The following KIAA1549 variants were observed in gnomAD, a reference collection of about 807,000 sequenced individuals.
KIAA1549 encodes the protein KIAA1549.
KIAA1549 carries 70 observed loss-of-function variants against 156.4 expected under a neutral mutation model. The ratio of observed to expected loss-of-function variants is 0.45; its 90% CI spans 0.37 to 0.55. KIAA1549 has a LOEUF of 0.55. Ranked by LOEUF, KIAA1549 falls within the 20% of genes least tolerant of loss-of-function variation. The pLI, the probability that KIAA1549 is intolerant of heterozygous loss-of-function variation, is 0.00. For synonymous variants in KIAA1549, 1,103 were observed against 1,066.4 expected (o/e 1.03, Z -0.67); for missense variants, 2,428 against 2,540.9 (o/e 0.96, Z 0.96).
intron 9 of KIAA1549, among the ~76,000 whole-genome samples, chr7:138,898,371 G>C (rs891113811): frequency 6.6e-6 from 1 of 151,744 alleles, no homozygotes; most frequent in Non-Finnish European, 1.5e-5. Context: ...AGCAGCCAGG[G>C]CCAGGCAGGC....
At chr7:138,843,925 A>G (rs1005392147) in intron 18 of KIAA1549, among the ~76,000 whole-genome samples, 1 of 152,210 alleles carries the variant, frequency 6.6e-6, no homozygotes, top group African/African-American at 2.4e-5. Context: ...TTTTGAGATA[A>G]GAGTTTTGCT....
rs756135808 is a variant in KIAA1549, at chr7:138,903,608, C to A, written c.3649G>T (p.Ala1217Ser). ...AGTACCTGCACCACACTGTTCCCTGCAGCTACAGTGGCCCTTCTCCACATC... is the reference window on the plus strand; with the variant it reads ...AGTACCTGCACCACACTGTTCCCTGAAGCTACAGTGGCCCTTCTCCACATC... Reference protein sequence around the residue: ...RRMWRRATVAAGNSVVQVVNV... With the variant: ...RRMWRRATVASGNSVVQVVNV... Residue 1217 changes from alanine to serine, a missense_variant, in exon 8 of 20, where the codon GCA (alanine) becomes TCA (serine). Physicochemically the swap from Ala to Ser is moderately conservative, Grantham distance 99. Around this residue, in one of 5 missense-constraint regions of KIAA1549, gnomAD observed 762 missense variants for 901.6 expected, o/e 0.85. Coordinates refer to ENST00000422774, the MANE Select transcript of KIAA1549 (RefSeq NM_001164665.2). 4 of 1,613,770 alleles carry A rather than the reference C, an allele frequency of 2.5e-6. No individual in the cohort carries two copies. The highest frequency in any genetic ancestry group is 1.1e-5 in the South Asian group (1 of 91,000).
chr7:138,918,251 T>C lies in KIAA1549; in HGVS notation c.1375A>G (p.Ser459Gly), dbSNP rs758878635. 1.2e-6 allele frequency: 2 copies of C among 1,614,014 alleles called. No individual in the cohort carries two copies. The highest frequency in any genetic ancestry group is 1.1e-5 in the South Asian group (1 of 91,088). The change falls in exon 2 of 20, where the codon AGC becomes GGC. Residue 459 changes from serine (S) to glycine (G), a missense_variant. Ser to Gly is a moderately conservative substitution (Grantham distance 56). Around this residue, in one of 5 missense-constraint regions of KIAA1549, gnomAD observed 893 missense variants for 847.9 expected, o/e 1.05. Coordinates refer to ENST00000422774, the MANE Select transcript of KIAA1549 (RefSeq NM_001164665.2). This position sits in a 1 kb window ranked among gnomAD's most constrained non-coding sequence, Gnocchi z 4.2. ...ETLCMTVLEESSISLMSSVVA... is the reference protein window; with the variant it reads ...ETLCMTVLEEGSISLMSSVVA... Reference sequence around the variant, plus strand: ...ACGCTACTCATTAGAGAGATGCTGCTTTCTTCCAGCACGGTCATGCACAGA... The same window carrying C: ...ACGCTACTCATTAGAGAGATGCTGCCTTCTTCCAGCACGGTCATGCACAGA...
At chr7:138,868,224 G>T in intron 14 of KIAA1549, 96 bp from the exon 15 acceptor site, 1 of 1,225,612 alleles carries the variant, frequency 8.2e-7, no homozygotes. Flanking sequence ...CCTAGGATGT[G>T]CTACCCCTGG....
chr7:138,908,008 T>G (rs1198782477), intron 5 of KIAA1549, among the ~76,000 whole-genome samples: 6 of 152,106 alleles, frequency 3.9e-5, no homozygotes, highest in Non-Finnish European at 5.9e-5. Flanking sequence ...AAGCCCACGC[T>G]GACATATTCT....
intron 15 of KIAA1549, among the ~76,000 whole-genome samples, chr7:138,861,676 A>ACC (rs554581505): frequency 1.5e-5 from 2 of 133,402 alleles, no homozygotes; most frequent in African/African-American, 2.9e-5. Context: ...ACAAAGTGAG[A>ACC]CCCCCCCCAT....
chr7:138,917,545 G>A lies in KIAA1549; in HGVS notation c.2081C>T (p.Ser694Leu), dbSNP rs749512218. The change falls in exon 2 of 20, where the codon TCG (serine) becomes TTG (leucine). Residue 694 changes from serine (S) to leucine (L), a missense_variant. Transcript: ENST00000422774. ...SLPSSTNLEF[S>L]QLQPSSELPL... ...CAGCTCGGAACTTGGCTGGAGCTGC[G>A]AAAACTCAAGATTTGTGGAACTGGG... is the stretch of plus-strand genomic sequence containing the variant. 1.4e-5 allele frequency: 22 copies of A among 1,613,766 alleles called. No homozygotes were observed. The highest frequency in any genetic ancestry group is 1.2e-4 in the South Asian group (11 of 91,062).
rs577570180 is a variant in KIAA1549 at position 138,869,687 on chromosome 7, G to A, written c.4626C>T (p.Arg1542=). The change falls in exon 14 of 20, where the codon CGC becomes CGT. Residue 1542 remains arginine, a synonymous_variant. Transcript: ENST00000422774. Reference sequence around the variant, plus strand: ...CTACCACCGGGAACTCGTAGTGCCCGCGGCGCTTGGCGCGCAGGCGGATCT... The same window carrying A: ...CTACCACCGGGAACTCGTAGTGCCCACGGCGCTTGGCGCGCAGGCGGATCT... ...RNKIRLRAKR[R]GHYEFPVVDD... 44 of 1,612,342 alleles carry A rather than the reference G, an allele frequency of 2.7e-5. No individual in the cohort carries two copies. In the East Asian group the frequency reaches 6.2e-4, roughly 23 times the overall value.
At chr7:138,848,821 A>G (rs1211521789) in intron 17 of KIAA1549, among the ~76,000 whole-genome samples, 1 of 152,212 alleles carries the variant, frequency 6.6e-6, no homozygotes, top group Non-Finnish European at 1.5e-5. Flanking sequence ...GTTTGTGGGA[A>G]GAACTGTAAT....
chr7:138,924,000 A>C (rs1563080040), intron 1 of KIAA1549, among the ~76,000 whole-genome samples: 1 of 152,234 alleles, frequency 6.6e-6, no homozygotes, highest in Non-Finnish European at 1.5e-5. Context: ...AAGATTTTTT[A>C]ATCGATATTT....
intron 1 of KIAA1549, among the ~76,000 whole-genome samples, chr7:138,944,627 G>A (rs1404616798): frequency 6.6e-6 from 1 of 150,852 alleles, no homozygotes; most frequent in Non-Finnish European, 1.5e-5. Flanking sequence ...AAAGCCAACA[G>A]ATGATATCAA....
In KIAA1549 at chr7:138,897,182, A is replaced by G. The variant is rs572046302; in HGVS notation, c.3847+1773T>C. On this transcript the variant is annotated intron_variant, in intron 9 of 19. Transcript: ENST00000422774. ...GGAGTAGGGCACGTCTCCTACAATCAGGAATCGCATATATGAAGAACTGTA... is the reference window on the plus strand; with the variant it reads ...GGAGTAGGGCACGTCTCCTACAATCGGGAATCGCATATATGAAGAACTGTA... Among the ~76,000 whole-genome samples the G allele has an allele frequency of 2.3e-3, 346 of 152,354 alleles. 1 individual carries two copies. Among genetic ancestry groups the G allele is most frequent in the African/African-American group, 7.8e-3 (325 of 41,576 alleles).
intron 1 of KIAA1549, among the ~76,000 whole-genome samples, chr7:138,933,828 T>C (rs1020857507): frequency 3.9e-5 from 6 of 152,072 alleles, no homozygotes; most frequent in Non-Finnish European, 5.9e-5. Flanking sequence ...TAGCCAGGCA[T>C]GGCGGCACGT....
chr7:138,960,067 ACT>A (rs1813791726), intron 1 of KIAA1549, among the ~76,000 whole-genome samples: 1 of 152,178 alleles, frequency 6.6e-6, no homozygotes, highest in East Asian at 1.9e-4. Context: ...TGACCGGGCC[ACT>A]GAGGTCCAGG....
chr7:138,846,583 C>T (rs906370665), intron 17 of KIAA1549, among the ~76,000 whole-genome samples: 1 of 148,604 alleles, frequency 6.7e-6, no homozygotes, highest in Admixed American at 6.7e-5. Context: ...TTTCACCCAC[C>T]ATTGCTTTTG....
At chr7:138,882,429 G>C (rs932465515) in intron 10 of KIAA1549, among the ~76,000 whole-genome samples, 10 of 152,178 alleles carry the variant, frequency 6.6e-5, no homozygotes, top group African/African-American at 2.2e-4. Flanking sequence ...CAAAATGACA[G>C]GTTTCATTTC....
chr7:138,912,754 T>C (rs1052027168), intron 2 of KIAA1549, among the ~76,000 whole-genome samples: 4 of 152,094 alleles, frequency 2.6e-5, no homozygotes, highest in Admixed American at 6.5e-5. Flanking sequence ...GAATCAGCAG[T>C]GATGACCCAG....
intron 1 of KIAA1549, among the ~76,000 whole-genome samples, chr7:138,978,578 G>A (rs1007076627): frequency 3.3e-5 from 5 of 152,114 alleles, no homozygotes; most frequent in African/African-American, 1.2e-4. Flanking sequence ...TGTAATAAGG[G>A]GACCACCTGG....
intron 1 of KIAA1549, among the ~76,000 whole-genome samples, chr7:138,979,117 G>C (rs55791927): frequency 6.6e-6 from 1 of 152,212 alleles, no homozygotes; most frequent in African/African-American, 2.4e-5. Context: ...TAGTCTATGA[G>C]CCTGGCAGCG....
Sources: gnomAD v4.1 joint callset for allele counts (sites outside exome capture counted in the v4.1 genomes callset) on GRCh38, gnomAD v4.1.1 for gene constraint, gnomAD v4.1.1 regional missense constraint, Gnocchi (gnomAD v3.1) non-coding constraint, MANE v1.5 for transcripts, NCBI Gene and HGNC (gene_info 2026-07-23, HGNC 2026-07-21) for gene names.